Variants in WWOX observed in about 807,000 individuals in gnomAD.
WWOX encodes the protein WW domain-containing oxidoreductase.
Under a neutral mutation model 46.2 loss-of-function variants are expected in WWOX, and 69 were observed. That is an observed-to-expected ratio of 1.49 (90% CI 1.23 to 1.82). WWOX has a LOEUF of 1.82. Among genes scored for constraint, WWOX ranks in the 40% most tolerant of loss-of-function variants. The pLI, the probability that WWOX is intolerant of heterozygous loss-of-function variation, is 0.00. For synonymous variants in WWOX, 359 were observed against 202.6 expected, an observed-to-expected ratio of 1.77 and a Z score of -6.56; for missense variants, 919 against 542.6, an observed-to-expected ratio of 1.69 and a Z score of -6.89.
chr16:78,974,793 G>C (rs1018801669), intron 8 of WWOX, among the ~76,000 whole-genome samples: 3 of 152,134 alleles, frequency 2.0e-5, no homozygotes, highest in South Asian at 2.1e-4. Context: ...GGGATGTTTA[G>C]GGCGTAATCT....
intron 8 of WWOX, among the ~76,000 whole-genome samples, chr16:78,536,548 C>G (rs1280577252): frequency 2.0e-5 from 3 of 152,146 alleles, no homozygotes; most frequent in Admixed American, 2.0e-4. Flanking sequence ...CTTCGCACCA[C>G]CCTTACATAT....
intron 8 of WWOX, among the ~76,000 whole-genome samples, chr16:78,956,700 C>G (rs1410884177): frequency 6.6e-6 from 1 of 152,090 alleles, no homozygotes; most frequent in African/African-American, 2.4e-5. Flanking sequence ...GTGCACACAT[C>G]AAAAATTCCT....
chr16:78,122,762 G>A (rs11644999), intron 4 of WWOX, among the ~76,000 whole-genome samples: 12,518 of 151,964 alleles, frequency 0.082, 594 homozygotes, highest in Non-Finnish European at 0.11. Context: ...GAGCCACTAT[G>A]TCCGGCTAAT....
rs141821354 is a variant in WWOX, at chr16:78,715,630, C to T, written c.1056+282878C>T. Among the ~76,000 whole-genome samples, 12 of 152,264 alleles carry T rather than the reference C, an allele frequency of 7.9e-5. No individual in the cohort carries two copies. In the East Asian group the frequency reaches 2.3e-3, roughly 30 times the overall value. On this transcript the variant is annotated intron_variant, in intron 8 of 8. Coordinates refer to ENST00000566780, the MANE Select transcript of WWOX (RefSeq NM_016373.4). ...GAGTAGCTGGGATTACAGGCACATGCCACCACACCCAGCTTTTTGTATTTT... is the reference window on the plus strand; with the variant it reads ...GAGTAGCTGGGATTACAGGCACATGTCACCACACCCAGCTTTTTGTATTTT...
At chr16:78,182,950 C>CAAA (rs1193436425) in intron 5 of WWOX, among the ~76,000 whole-genome samples, 3 of 114,978 alleles carry the variant, frequency 2.6e-5, no homozygotes, top group African/African-American at 9.5e-5. Context: ...GAATCTGTCT[C>CAAA]AAAAAAAAAA....
intron 6 of WWOX, among the ~76,000 whole-genome samples, chr16:78,402,644 C>T (rs114939788): frequency 2.0e-5 from 3 of 152,064 alleles, no homozygotes; most frequent in African/African-American, 7.2e-5. Context: ...AAGCATTTTT[C>T]CTGGGGAGAA....
At chr16:78,102,007 A>G (rs2031827169) in intron 1 of WWOX, among the ~76,000 whole-genome samples, 1 of 152,098 alleles carries the variant, frequency 6.6e-6, no homozygotes, top group Admixed American at 6.5e-5. Context: ...AGTAACCTTC[A>G]CTTCCTGGGC....
chr16:78,239,388 C>T (rs1223602911), intron 5 of WWOX, among the ~76,000 whole-genome samples: 1 of 152,116 alleles, frequency 6.6e-6, no homozygotes, highest in Non-Finnish European at 1.5e-5. Context: ...ATGCTGAGAC[C>T]CTGATGGAGA....
chr16:79,201,362 TA>T (rs1325811649), intron 8 of WWOX, among the ~76,000 whole-genome samples: 6 of 134,900 alleles, frequency 4.4e-5, no homozygotes, highest in Admixed American at 7.9e-5. Flanking sequence ...TTTTTTTTTT[TA>T]AATGGGAAAC....
At chr16:78,998,091 G>A (rs1226466747) in intron 8 of WWOX, among the ~76,000 whole-genome samples, 5 of 152,076 alleles carry the variant, frequency 3.3e-5, no homozygotes, top group Admixed American at 3.3e-4. Context: ...GTTCAGGGTG[G>A]TCTTGAACTC....
chr16:78,834,236 A>G (rs886429200), intron 8 of WWOX, among the ~76,000 whole-genome samples: 1 of 152,212 alleles, frequency 6.6e-6, no homozygotes, highest in African/African-American at 2.4e-5. Context: ...GTGTTCTGAT[A>G]GCAAACATGG....
chr16:78,576,143 A>C (rs1457453729), intron 8 of WWOX, among the ~76,000 whole-genome samples: 2 of 152,182 alleles, frequency 1.3e-5, no homozygotes, highest in African/African-American at 4.8e-5. Context: ...CTCCTGTATG[A>C]ATTTTTAAAA....
intron 8 of WWOX, among the ~76,000 whole-genome samples, chr16:78,745,326 G>C (rs959508994): frequency 1.3e-5 from 2 of 152,120 alleles, no homozygotes; most frequent in Admixed American, 6.5e-5. Context: ...GCCTTCAAAA[G>C]CCTGAATTTC....
At chr16:78,640,900 C>G (rs2046691256) in intron 8 of WWOX, among the ~76,000 whole-genome samples, 1 of 146,332 alleles carries the variant, frequency 6.8e-6, no homozygotes, top group Non-Finnish European at 1.5e-5. Context: ...GATCATGCCA[C>G]TGCACTCCAG....
chr16:78,460,093 C>T (rs2083914263), intron 8 of WWOX, among the ~76,000 whole-genome samples: 1 of 151,968 alleles, frequency 6.6e-6, no homozygotes, highest in Non-Finnish European at 1.5e-5. Flanking sequence ...AGGCATGAGC[C>T]ACTGTACCTG....
intron 8 of WWOX, among the ~76,000 whole-genome samples, chr16:78,921,588 C>A (rs1370194706): frequency 1.3e-5 from 2 of 152,204 alleles, no homozygotes; most frequent in African/African-American, 4.8e-5. Context: ...TCTCATTTCA[C>A]TGATGAGGAA....
At chr16:79,131,141 C>A (rs1303642501) in intron 8 of WWOX, among the ~76,000 whole-genome samples, 2 of 152,144 alleles carry the variant, frequency 1.3e-5, no homozygotes, top group Admixed American at 6.5e-5. Flanking sequence ...GCCTCCCGGG[C>A]CTTCCTTCCC....
intron 8 of WWOX, among the ~76,000 whole-genome samples, chr16:79,152,363 A>G (rs1395072552): frequency 6.6e-6 from 1 of 152,132 alleles, no homozygotes; most frequent in Non-Finnish European, 1.5e-5. Flanking sequence ...AGGGGAAGAC[A>G]GTTAAGCTTT....
intron 8 of WWOX, among the ~76,000 whole-genome samples, chr16:78,621,903 C>A (rs930003475): frequency 2.6e-5 from 4 of 151,992 alleles, no homozygotes; most frequent in Non-Finnish European, 5.9e-5. Flanking sequence ...CCGTGCCCAG[C>A]CTTCTTGTTT....
Sources: gnomAD v4.1 joint callset for allele counts (sites outside exome capture counted in the v4.1 genomes callset) on GRCh38, gnomAD v4.1.1 for gene constraint, MANE v1.5 for transcripts, NCBI Gene and HGNC (gene_info 2026-07-23, HGNC 2026-07-21) for gene names.